BNC2: variants seen among roughly 807,000 people sequenced by gnomAD.
BNC2 encodes the protein basonuclin zinc finger protein 2, also known as zinc finger protein basonuclin-2.
A neutral mutation model predicts 76.3 loss-of-function variants in BNC2; 20 were observed. The observed-to-expected ratio is 0.26, with a 90% CI of 0.18 to 0.38. The LOEUF is 0.38. BNC2 is among the 10% of genes least tolerant of loss of function. The pLI is 1.00. For synonymous variants in BNC2, 582 were observed against 514.8 expected, an observed-to-expected ratio of 1.13 and a Z score of -1.77; for missense variants, 1,382 against 1,399.8, an observed-to-expected ratio of 0.99 and a Z score of 0.20.
At chr9:16,525,091 G>C (rs971092968) in intron 5 of BNC2, among the ~76,000 whole-genome samples, 2 of 150,986 alleles carry the variant, frequency 1.3e-5, no homozygotes, top group African/African-American at 4.9e-5. Flanking sequence ...GGGGGAAGGA[G>C]ATTGAAATTC....
chr9:16,859,241 G>A (rs191659889), intron 1 of BNC2, among the ~76,000 whole-genome samples: 1 of 151,942 alleles, frequency 6.6e-6, no homozygotes, highest in East Asian at 1.9e-4. Flanking sequence ...GAACCCTTGT[G>A]CACTGTTGGC....
At chr9:16,729,320 C>T (rs767589005) in intron 2 of BNC2, among the ~76,000 whole-genome samples, 5 of 152,154 alleles carry the variant, frequency 3.3e-5, no homozygotes, top group Non-Finnish European at 7.3e-5. Context: ...AATCTTCAAC[C>T]ACCTACAAAT....
chr9:16,771,319 A>C (rs942449187), intron 1 of BNC2, among the ~76,000 whole-genome samples: 1 of 152,232 alleles, frequency 6.6e-6, no homozygotes, highest in Non-Finnish European at 1.5e-5. Context: ...TATACTTAAA[A>C]CAAGGTTTTT....
At chr9:16,540,381 C>T (rs1172710468) in intron 5 of BNC2, among the ~76,000 whole-genome samples, 12 of 152,036 alleles carry the variant, frequency 7.9e-5, no homozygotes, top group Admixed American at 7.9e-4. Context: ...TTCCATTAAT[C>T]CAAACTGACC....
chr9:16,514,841 C>T (rs1822841532), intron 5 of BNC2, among the ~76,000 whole-genome samples: 1 of 152,148 alleles, frequency 6.6e-6, no homozygotes, highest in Admixed American at 6.5e-5. Flanking sequence ...AAGTAGTTGT[C>T]AACAAAACCA....
At chr9:16,422,825 C>G (rs180934224) in intron 6 of BNC2, among the ~76,000 whole-genome samples, 354 of 152,298 alleles carry the variant, frequency 2.3e-3, no homozygotes, top group African/African-American at 8.3e-3. Flanking sequence ...TTAACAAAGA[C>G]CTATTGTTGG....
At chr9:16,777,073 C>A (rs367971730) in intron 1 of BNC2, among the ~76,000 whole-genome samples, 1 of 151,926 alleles carries the variant, frequency 6.6e-6, no homozygotes, top group East Asian at 1.9e-4. Flanking sequence ...TTGCAGTGAG[C>A]CGAGATGGCG....
At chr9:16,799,802 A>T (rs1817738622) in intron 1 of BNC2, among the ~76,000 whole-genome samples, 1 of 152,234 alleles carries the variant, frequency 6.6e-6, no homozygotes, top group Admixed American at 6.5e-5. Flanking sequence ...TAGTGAATAT[A>T]AGCGGTAACC....
At chr9:16,634,502 C>CG (rs1821257499) in intron 3 of BNC2, among the ~76,000 whole-genome samples, 2 of 135,988 alleles carry the variant, frequency 1.5e-5, no homozygotes, top group South Asian at 4.8e-4. Flanking sequence ...CTTCAAATAT[C>CG]TTTTTTTTTT....
chr9:16,634,796 C>T (rs1159828432), intron 3 of BNC2, among the ~76,000 whole-genome samples: 7 of 152,252 alleles, frequency 4.6e-5, no homozygotes, highest in African/African-American at 1.2e-4. Flanking sequence ...CAACCGCGCC[C>T]GGCCCAAATA....
chr9:16,449,665 A>G (rs1232539784), intron 5 of BNC2, among the ~76,000 whole-genome samples: 1 of 152,206 alleles, frequency 6.6e-6, no homozygotes, highest in Non-Finnish European at 1.5e-5. Context: ...AAATAAAAAT[A>G]AAAAGGCTTT....
intron 1 of BNC2, among the ~76,000 whole-genome samples, chr9:16,788,465 A>G (rs1457975229): frequency 6.6e-6 from 1 of 151,058 alleles, no homozygotes; most frequent in African/African-American, 2.4e-5. Context: ...AGGCAGGAGA[A>G]TGGCGTGAAC....
chr9:16,457,521 C>T (rs2131171173), intron 5 of BNC2, among the ~76,000 whole-genome samples: 1 of 152,262 alleles, frequency 6.6e-6, no homozygotes, highest in Non-Finnish European at 1.5e-5. Flanking sequence ...CCAGAGGAGT[C>T]ACATAGGATG....
At chr9:16,444,699 T>C (rs1409629422) in intron 5 of BNC2, among the ~76,000 whole-genome samples, 5 of 152,144 alleles carry the variant, frequency 3.3e-5, no homozygotes, top group African/African-American at 1.2e-4. Flanking sequence ...TTCAGGGAGA[T>C]ATTCTGTGGA....
intron 1 of BNC2, among the ~76,000 whole-genome samples, chr9:16,768,916 G>C (rs1186205036): frequency 2.0e-5 from 3 of 152,166 alleles, no homozygotes; most frequent in African/African-American, 7.2e-5. Flanking sequence ...GAAACCTTAA[G>C]AAACAGACAA....
intron 3 of BNC2, among the ~76,000 whole-genome samples, chr9:16,703,451 G>A (rs974427505): frequency 2.6e-5 from 4 of 151,524 alleles, no homozygotes; most frequent in Non-Finnish European, 5.9e-5. Flanking sequence ...AGACCAAATA[G>A]AACAAAAAGA....
chr9:16,797,082 CAAT>C (rs889119150), intron 1 of BNC2, among the ~76,000 whole-genome samples: 2 of 152,088 alleles, frequency 1.3e-5, no homozygotes, highest in Non-Finnish European at 2.9e-5. Context: ...ATGATGATGA[CAAT>C]AATGGCAGCT....
intron 5 of BNC2, among the ~76,000 whole-genome samples, chr9:16,463,406 CCTGCCTCAGCCTCCCAAGTAG>C: frequency 7.1e-6 from 1 of 140,810 alleles, no homozygotes. Flanking sequence ...ACGCCATTCT[CCTGCCTCAGCCTCCCAAGTAG>C]CTGGGACTAC....
chr9:16,627,488 G>A (rs181028165), intron 3 of BNC2, among the ~76,000 whole-genome samples: 2 of 152,146 alleles, frequency 1.3e-5, no homozygotes, highest in East Asian at 1.9e-4. Flanking sequence ...TATTCAATGC[G>A]GCTCACACCA....
Sources: allele counts gnomAD v4.1 joint callset (sites outside exome capture counted in the v4.1 genomes callset), GRCh38; gene constraint gnomAD v4.1.1; transcripts MANE v1.5; gene names NCBI Gene and HGNC (gene_info 2026-07-23, HGNC 2026-07-21).